Variants in PLCL2 observed in about 807,000 individuals in gnomAD.
PLCL2 encodes inactive phospholipase C-like protein 2.
In PLCL2, 4 loss-of-function variants were observed where a neutral mutation model predicts 79.6. The observed-to-expected ratio is 0.05, with a 90% CI of 0.02 to 0.11. The LOEUF is 0.11. Ranked by LOEUF, PLCL2 falls within the 10% of genes least tolerant of loss-of-function variation. The pLI, the probability that PLCL2 is intolerant of heterozygous loss-of-function variation, is 1.00. For missense variants in PLCL2, 895 were observed against 1,291.0 expected, an observed-to-expected ratio of 0.69 and a Z score of 4.70; for synonymous variants, 484 against 457.7, an observed-to-expected ratio of 1.06 and a Z score of -0.73.
rs145096626 is a variant in PLCL2 at position 16,995,475 on chromosome 3, G to A, written c.328-14199G>A. Among the ~76,000 whole-genome samples, 1,396 of 152,320 alleles carry A rather than the reference G, an allele frequency of 9.2e-3. 10 individuals are homozygous for A. Among genetic ancestry groups the A allele is most frequent in the Non-Finnish European group, 0.014 (944 of 68,024 alleles). ...GGTGCTGGCTCCCCTCACAACAGAG[G>A]CAGGCTAGCTTTTTTCTGATCCTTC... On this transcript the variant is annotated intron_variant, in intron 1 of 5. Transcript: ENST00000615277.
intron 4 of PLCL2, among the ~76,000 whole-genome samples, chr3:17,044,954 G>T (rs1321345471): frequency 6.6e-6 from 1 of 152,186 alleles, no homozygotes; most frequent in Admixed American, 6.5e-5. Context: ...AATGGTTCAA[G>T]TTGCTCTGGG....
intron 1 of PLCL2, among the ~76,000 whole-genome samples, chr3:16,946,621 A>G (rs747236436): frequency 6.6e-5 from 10 of 152,184 alleles, no homozygotes; most frequent in Non-Finnish European, 1.3e-4. Context: ...CGACCTATGT[A>G]GAAACTTTTG....
intron 1 of PLCL2, among the ~76,000 whole-genome samples, chr3:16,889,225 A>C (rs1696291730): frequency 6.6e-6 from 1 of 152,114 alleles, no homozygotes. Flanking sequence ...ATCAGAGTTC[A>C]GAGAGGTTAA....
chr3:16,896,666 T>C (rs1240438202), intron 1 of PLCL2, among the ~76,000 whole-genome samples: 1 of 152,272 alleles, frequency 6.6e-6, no homozygotes, highest in East Asian at 1.9e-4. Flanking sequence ...TATCCAGATA[T>C]ACGGACAAAA....
chr3:16,972,180 G>C (rs1322327312), intron 1 of PLCL2, among the ~76,000 whole-genome samples: 3 of 152,038 alleles, frequency 2.0e-5, no homozygotes, highest in African/African-American at 7.2e-5. Flanking sequence ...TTCTGGCCAG[G>C]GCAATTAGGC....
At chr3:16,994,727 G>A (rs949626523) in intron 1 of PLCL2, among the ~76,000 whole-genome samples, 12 of 151,980 alleles carry the variant, frequency 7.9e-5, no homozygotes, top group Admixed American at 5.9e-4. Context: ...TCATTCATTC[G>A]GGGGCTCAAG....
chr3:17,016,175 A>G (rs1396849592), intron 3 of PLCL2, among the ~76,000 whole-genome samples: 3 of 152,236 alleles, frequency 2.0e-5, no homozygotes, highest in South Asian at 2.1e-4. Context: ...TTGGAATACT[A>G]TTTCTAAAAA....
chr3:16,885,824 A>T (rs139160333), intron 1 of PLCL2, among the ~76,000 whole-genome samples: 22 of 152,342 alleles, frequency 1.4e-4, no homozygotes, highest in African/African-American at 5.3e-4. Context: ...TCTGATCCGT[A>T]TACAGTTAGT....
intron 3 of PLCL2, among the ~76,000 whole-genome samples, chr3:17,041,153 C>T (rs768559140): frequency 2.6e-5 from 4 of 152,068 alleles, no homozygotes; most frequent in Non-Finnish European, 5.9e-5. Context: ...AAGTTCTTAA[C>T]GATTCATTTT....
At chr3:17,062,982 G>C (rs549592687) in intron 4 of PLCL2, among the ~76,000 whole-genome samples, 1 of 151,856 alleles carries the variant, frequency 6.6e-6, no homozygotes, top group East Asian at 2.0e-4. Flanking sequence ...GCTTTCCATA[G>C]GTCCAGCAGG....
At chr3:16,919,513 C>A (rs979380613) in intron 1 of PLCL2, among the ~76,000 whole-genome samples, 1 of 152,012 alleles carries the variant, frequency 6.6e-6, no homozygotes, top group Non-Finnish European at 1.5e-5. Context: ...TATCCCTTTT[C>A]GGTTTCATTA....
chr3:16,932,473 T>A (rs901202749), intron 1 of PLCL2, among the ~76,000 whole-genome samples: 1 of 152,232 alleles, frequency 6.6e-6, no homozygotes, highest in Non-Finnish European at 1.5e-5. Flanking sequence ...GGTGTACTTT[T>A]AAAAATCTTG....
chr3:16,885,486 G>A lies in PLCL2; in HGVS notation c.327+120G>A, dbSNP rs1418644802. Reference sequence around the variant, plus strand: ...GCTAACAGGAACCACTGGAGCATGGGTGCTTGGGGTGGTTGAGCGGGGATT... The same window carrying A: ...GCTAACAGGAACCACTGGAGCATGGATGCTTGGGGTGGTTGAGCGGGGATT... On this transcript the variant is annotated intron_variant, in intron 1 of 5. Transcript: ENST00000615277. 3 of 486,410 alleles carry A rather than the reference G, an allele frequency of 6.2e-6. No homozygotes were observed. The East Asian group carries it at 1.1e-4, about 17-fold the overall frequency. 30.1% of individuals were successfully genotyped at this position (486,410 alleles called of 1,614,324 possible).
intron 1 of PLCL2, among the ~76,000 whole-genome samples, chr3:16,964,826 A>G (rs1184412174): frequency 6.6e-6 from 1 of 152,032 alleles, no homozygotes; most frequent in Non-Finnish European, 1.5e-5. Flanking sequence ...TTCTTTTGAG[A>G]AGTGTCTGTT....
chr3:16,936,768 A>C (rs562893399), intron 1 of PLCL2, among the ~76,000 whole-genome samples: 1 of 152,238 alleles, frequency 6.6e-6, no homozygotes, highest in South Asian at 2.1e-4. Flanking sequence ...CAAAAAAACG[A>C]GGCTGGAATC....
intron 3 of PLCL2, among the ~76,000 whole-genome samples, chr3:17,027,424 C>T (rs932697472): frequency 6.6e-6 from 1 of 152,218 alleles, no homozygotes; most frequent in African/African-American, 2.4e-5. Context: ...ACTGCTTTCT[C>T]ACTACAGTGG....
At chr3:16,989,553 T>C (rs1196036544) in intron 1 of PLCL2, among the ~76,000 whole-genome samples, 1 of 152,180 alleles carries the variant, frequency 6.6e-6, no homozygotes, top group Non-Finnish European at 1.5e-5. Context: ...TTGAGTTAAA[T>C]AAAATTATTG....
At chr3:16,891,401 T>C (rs572235700) in intron 1 of PLCL2, among the ~76,000 whole-genome samples, 10 of 152,344 alleles carry the variant, frequency 6.6e-5, no homozygotes, top group Admixed American at 4.6e-4. Context: ...CAGACTCCTT[T>C]AGAGAGGTGA....
intron 1 of PLCL2, among the ~76,000 whole-genome samples, chr3:16,965,599 A>T (rs1293073775): frequency 2.6e-5 from 4 of 151,852 alleles, no homozygotes; most frequent in African/African-American, 9.7e-5. Flanking sequence ...TGAATCTATA[A>T]ATTACCTTGG....
Sources: allele counts gnomAD v4.1 joint callset (sites outside exome capture counted in the v4.1 genomes callset), GRCh38; gene constraint gnomAD v4.1.1; transcripts MANE v1.5; gene names NCBI Gene and HGNC (gene_info 2026-07-23, HGNC 2026-07-21).